Variants in HSD17B7 observed in about 807,000 individuals in gnomAD.
HSD17B7 encodes 3-keto-steroid reductase/17-beta-hydroxysteroid dehydrogenase 7.
A neutral mutation model predicts 34.1 loss-of-function variants in HSD17B7; 17 were observed. The ratio of observed to expected loss-of-function variants is 0.50; its 90% CI spans 0.34 to 0.75. HSD17B7 has a LOEUF of 0.75. Ranked by LOEUF, HSD17B7 falls within the 30% of genes least tolerant of loss-of-function variation. The probability of loss-of-function intolerance (pLI) is 0.01; values close to 1 mark genes in which losing one functional copy is unlikely to be tolerated. For synonymous variants in HSD17B7, 122 were observed against 154.6 expected, an observed-to-expected ratio of 0.79 and a Z score of 1.56; for missense variants, 296 against 406.6, an observed-to-expected ratio of 0.73 and a Z score of 2.34.
At chr1:162,803,410 G>A in intron 5 of HSD17B7, 21 bp from the exon 6 acceptor site, 2 of 1,609,418 alleles carry the variant, frequency 1.2e-6, no homozygotes, top group South Asian at 1.1e-5. Flanking sequence ...AAGTCTCATT[G>A]CTACACCTCT....
At chr1:162,790,988 C>T (rs1648385497) in intron 1 of HSD17B7, among the ~76,000 whole-genome samples, 153 bp downstream of exon 1, 1 of 150,662 alleles carries the variant, frequency 6.6e-6, no homozygotes, top group Non-Finnish European at 1.5e-5. Context: ...GCATGTCGGC[C>T]TCTTGAGGTG....
chr1:162,805,563 G>A, intron 8 of HSD17B7, 71 bp downstream of exon 8: 1 of 1,566,306 alleles, frequency 6.4e-7, no homozygotes, highest in Non-Finnish European at 8.7e-7. Flanking sequence ...TTCCTGACCA[G>A]CCCCTCAGCC....
intron 7 of HSD17B7, 22 bp downstream of exon 7, chr1:162,804,345 A>C (rs764814781): frequency 7.1e-7 from 1 of 1,417,562 alleles, no homozygotes; most frequent in East Asian, 2.3e-5. Context: ...AAGTTTTTAT[A>C]ACTTGTATGA....
At chr1:162,809,643 A>C (rs971366798) in intron 8 of HSD17B7, among the ~76,000 whole-genome samples, 1 of 151,878 alleles carries the variant, frequency 6.6e-6, no homozygotes, top group African/African-American at 2.4e-5. Flanking sequence ...TCAATTTCAG[A>C]TCCTGTTATT....
chr1:162,805,282 G>A (rs1367346308), intron 7 of HSD17B7, 112 bp from the exon 8 acceptor site: 48 of 1,411,920 alleles, frequency 3.4e-5, no homozygotes, highest in Non-Finnish European at 4.2e-5. Context: ...ATATTTGAGA[G>A]GATGTTTATA....
rs1346120100 is a variant in HSD17B7 at position 162,797,795 on chromosome 1, G to A, written c.333-7G>A. 6.2e-7 allele frequency: 1 copy of A among 1,606,890 alleles called. No individual in the cohort carries two copies. Among genetic ancestry groups the A allele is most frequent in the Non-Finnish European group, 8.5e-7 (1 of 1,176,224 alleles). ...AAAAGTCATGCAATTATCTTCTGCT[G>A]TTTCAGAAAAGTGATTCATATGTTC... On this transcript the variant is annotated splice_region_variant and splice_polypyrimidine_tract_variant and intron_variant, in intron 3 of 8. Transcript: ENST00000254521.
chr1:162,791,283 C>A (rs1408836697), intron 1 of HSD17B7, among the ~76,000 whole-genome samples: 1 of 151,266 alleles, frequency 6.6e-6, no homozygotes, highest in Non-Finnish European at 1.5e-5. Context: ...GGAGAGAAAA[C>A]AATCCCGTTT....
intron 4 of HSD17B7, 143 bp downstream of exon 4, chr1:162,798,059 T>A: frequency 7.4e-7 from 1 of 1,359,596 alleles, no homozygotes; most frequent in Non-Finnish European, 9.7e-7. Flanking sequence ...TTTGCCTTGT[T>A]TATTGTGAGC....
chr1:162,810,185 G>T (rs11577831), intron 8 of HSD17B7, among the ~76,000 whole-genome samples: 1 of 151,998 alleles, frequency 6.6e-6, no homozygotes, highest in African/African-American at 2.4e-5. Flanking sequence ...ACATCTTTAC[G>T]TCTGCCCTCA....
Position 162,790,838 on chromosome 1 carries a change from G to T in HSD17B7, c.35+3G>T. 1 of 1,613,884 alleles carries T rather than the reference G, an allele frequency of 6.2e-7. No homozygotes were observed. Among genetic ancestry groups the T allele is most frequent in the South Asian group, 1.1e-5 (1 of 91,012 alleles). On this transcript the variant is annotated splice_donor_region_variant and intron_variant, in intron 1 of 8. Transcript: ENST00000254521. ...GTTTTGATCACCGGGGCTAGCAGGT[G>T]AGGCCTCCTTTGGGTTGGCAGAGGC...
intron 8 of HSD17B7, 83 bp downstream of exon 8, chr1:162,805,575 C>T: frequency 6.5e-7 from 1 of 1,547,558 alleles, no homozygotes; most frequent in Non-Finnish European, 8.7e-7. Flanking sequence ...CCCTCAGCCC[C>T]CCAGCTTCGC....
chr1:162,796,873 T>G (rs538637566), intron 3 of HSD17B7, among the ~76,000 whole-genome samples, 196 bp downstream of exon 3: 14 of 152,134 alleles, frequency 9.2e-5, no homozygotes, highest in Non-Finnish European at 1.9e-4. Context: ...AGTCCCGTTT[T>G]TTATGGTATT....
chr1:162,797,273 GAC>G (rs370316764), intron 3 of HSD17B7: 16 of 157,748 alleles, frequency 1.0e-4, no homozygotes, highest in East Asian at 3.7e-4. Context: ...TTAAAAGACA[GAC>G]ACACACACAC....
intron 8 of HSD17B7, among the ~76,000 whole-genome samples, chr1:162,811,733 C>T (rs910584510): frequency 7.2e-5 from 11 of 152,144 alleles, no homozygotes; most frequent in African/African-American, 1.9e-4. Context: ...GCTTGTGGCT[C>T]GAGAGTGGTA....
chr1:162,801,931 G>C (rs1227618370), intron 5 of HSD17B7, among the ~76,000 whole-genome samples: 1 of 152,166 alleles, frequency 6.6e-6, no homozygotes, highest in Non-Finnish European at 1.5e-5. Flanking sequence ...ACGAAGGAGG[G>C]AGATTTAGCT....
intron 8 of HSD17B7, among the ~76,000 whole-genome samples, 166 bp downstream of exon 8, chr1:162,805,658 C>T (rs112847227): frequency 0.033 from 5,023 of 152,324 alleles, 116 homozygotes; most frequent in Non-Finnish European, 0.046. Flanking sequence ...TCCTGCTTCT[C>T]GCACATCTTA....
intron 5 of HSD17B7, among the ~76,000 whole-genome samples, chr1:162,802,334 G>T (rs1244387226): frequency 1.3e-5 from 2 of 152,046 alleles, no homozygotes; most frequent in Non-Finnish European, 1.5e-5. Flanking sequence ...AGTGATCCTA[G>T]GAAGCTCCTA....
intron 2 of HSD17B7, among the ~76,000 whole-genome samples, chr1:162,794,794 C>G (rs1264002893): frequency 6.6e-6 from 1 of 152,096 alleles, no homozygotes; most frequent in African/African-American, 2.4e-5. Context: ...ACTTTTGAGA[C>G]CCAAAGTTTT....
chr1:162,807,068 C>T (rs1649004075), intron 8 of HSD17B7, among the ~76,000 whole-genome samples: 1 of 152,172 alleles, frequency 6.6e-6, no homozygotes, highest in Non-Finnish European at 1.5e-5. Context: ...TGGTGTGCTG[C>T]ACCCATTAAC....
Sources: allele counts gnomAD v4.1 joint callset (sites outside exome capture counted in the v4.1 genomes callset), GRCh38; gene constraint gnomAD v4.1.1; transcripts MANE v1.5; gene names NCBI Gene and HGNC (gene_info 2026-07-23, HGNC 2026-07-21).